FCHSD2: variants seen among roughly 807,000 people sequenced by gnomAD.
The protein encoded by FCHSD2 is FCH and double SH3 domains 2.
A neutral mutation model predicts 108.1 loss-of-function variants in FCHSD2; 38 were observed. The observed-to-expected ratio is 0.35, with a 90% CI of 0.27 to 0.46. FCHSD2 has a LOEUF of 0.46. FCHSD2 is among the 20% of genes least tolerant of loss of function. FCHSD2 has a pLI of 1.00. For synonymous variants in FCHSD2, 279 were observed against 314.7 expected (o/e 0.89, Z 1.20); for missense variants, 751 against 897.8 (o/e 0.84, Z 2.09).
intron 10 of FCHSD2, among the ~76,000 whole-genome samples, chr11:72,893,849 G>C (rs1855367973): frequency 1.3e-5 from 2 of 152,088 alleles, no homozygotes; most frequent in South Asian, 4.1e-4. Context: ...CTAAATTAAG[G>C]AAATCAGCAT....
intron 4 of FCHSD2, among the ~76,000 whole-genome samples, chr11:73,008,411 T>A (rs1184212229): frequency 6.6e-6 from 1 of 152,078 alleles, no homozygotes; most frequent in African/African-American, 2.4e-5. Context: ...ACAAGAAGAA[T>A]GGTGTTTTAA....
chr11:72,964,789 C>CT (rs35280672), intron 8 of FCHSD2, among the ~76,000 whole-genome samples: 30,242 of 132,138 alleles, frequency 0.23, 3,906 homozygotes, highest in Middle Eastern at 0.32. Context: ...GATCATTTCA[C>CT]TTTTTTTTTT....
intron 8 of FCHSD2, among the ~76,000 whole-genome samples, chr11:72,933,084 CCTT>C (rs1435328307): frequency 2.6e-5 from 4 of 152,034 alleles, no homozygotes; most frequent in African/African-American, 9.7e-5. Flanking sequence ...ACCTTGCATG[CCTT>C]CTTCTTCCTT....
intron 3 of FCHSD2, among the ~76,000 whole-genome samples, chr11:73,039,205 T>C (rs1165584837): frequency 6.6e-6 from 1 of 151,508 alleles, no homozygotes; most frequent in Non-Finnish European, 1.5e-5. Flanking sequence ...GGATTCCTCA[T>C]AAACCTACCT....
At chr11:72,871,006 T>G (rs1467435038) in intron 12 of FCHSD2, among the ~76,000 whole-genome samples, 1 of 152,154 alleles carries the variant, frequency 6.6e-6, no homozygotes, top group African/African-American at 2.4e-5. Context: ...ACTACATTTA[T>G]GATGTGGCTG....
At chr11:72,976,067 T>G (rs1262911551) in intron 8 of FCHSD2, among the ~76,000 whole-genome samples, 6 of 152,208 alleles carry the variant, frequency 3.9e-5, no homozygotes, top group Admixed American at 1.3e-4. Flanking sequence ...CTGAGTTGAT[T>G]TCTGTAGATT....
chr11:72,944,976 C>A (rs1402536239), intron 8 of FCHSD2, among the ~76,000 whole-genome samples: 1 of 152,094 alleles, frequency 6.6e-6, no homozygotes, highest in Non-Finnish European at 1.5e-5. Context: ...CCATACTGCC[C>A]AAGGTAAATT....
At chr11:73,055,577 TTTCA>T (rs1229065890) in intron 3 of FCHSD2, among the ~76,000 whole-genome samples, 1 of 152,170 alleles carries the variant, frequency 6.6e-6, no homozygotes, top group African/African-American at 2.4e-5. Flanking sequence ...ATAATATTTA[TTTCA>T]TTAAGATTTT....
intron 2 of FCHSD2, among the ~76,000 whole-genome samples, chr11:73,132,762 T>C (rs1861031646): frequency 6.8e-6 from 1 of 146,618 alleles, no homozygotes; most frequent in African/African-American, 2.5e-5. Flanking sequence ...AGGTGGAGAT[T>C]GCAGTGAGCC....
At chr11:72,901,240 C>T (rs992281534) in intron 10 of FCHSD2, among the ~76,000 whole-genome samples, 2 of 151,798 alleles carry the variant, frequency 1.3e-5, no homozygotes, top group African/African-American at 4.8e-5. Context: ...ATTGAAAATA[C>T]AAAGAAAATA....
chr11:72,994,371 A>G (rs370861205), intron 5 of FCHSD2, among the ~76,000 whole-genome samples: 3 of 152,034 alleles, frequency 2.0e-5, no homozygotes, highest in East Asian at 3.8e-4. Flanking sequence ...CCTTGAAACG[A>G]CTCTATGAAA....
chr11:73,047,396 T>C (rs1471581411), intron 3 of FCHSD2, among the ~76,000 whole-genome samples: 1 of 152,148 alleles, frequency 6.6e-6, no homozygotes, highest in East Asian at 1.9e-4. Context: ...TCCCCTATAA[T>C]ACTCAAAAGC....
intron 2 of FCHSD2, among the ~76,000 whole-genome samples, chr11:73,126,095 A>G (rs1284259698): frequency 6.6e-6 from 1 of 152,020 alleles, no homozygotes; most frequent in Non-Finnish European, 1.5e-5. Context: ...TAATCCCAGC[A>G]CTTTGGGAGG....
chr11:72,859,995 T>C (rs752411831), intron 13 of FCHSD2, among the ~76,000 whole-genome samples: 4 of 152,218 alleles, frequency 2.6e-5, no homozygotes, highest in Non-Finnish European at 2.9e-5. Flanking sequence ...TGGGGTACCA[T>C]GAGGGAAGGT....
intron 3 of FCHSD2, among the ~76,000 whole-genome samples, chr11:73,025,565 C>G (rs1162530664): frequency 2.0e-5 from 3 of 151,860 alleles, no homozygotes; most frequent in Admixed American, 2.0e-4. Context: ...CTGGGTGATG[C>G]AATAATCTGT....
intron 10 of FCHSD2, among the ~76,000 whole-genome samples, chr11:72,898,293 C>T (rs1329128334): frequency 2.0e-5 from 3 of 152,208 alleles, no homozygotes; most frequent in Admixed American, 2.0e-4. Context: ...CATTTTATCA[C>T]AGTGGTAACT....
At chr11:73,007,183 A>G (rs1857758872) in intron 4 of FCHSD2, among the ~76,000 whole-genome samples, 1 of 152,174 alleles carries the variant, frequency 6.6e-6, no homozygotes, top group Admixed American at 6.5e-5. Context: ...TACTTGCCAT[A>G]ATAATTAGGT....
chr11:72,949,530 A>G (rs1045385392), intron 8 of FCHSD2, among the ~76,000 whole-genome samples: 1 of 152,182 alleles, frequency 6.6e-6, no homozygotes, highest in Non-Finnish European at 1.5e-5. Context: ...GCCATTAAGT[A>G]GTCAGTGCCC....
chr11:73,140,175 CA>C (rs767940041), intron 1 of FCHSD2, 47 bp from the exon 2 acceptor site: 27 of 1,157,722 alleles, frequency 2.3e-5, no homozygotes, highest in Admixed American at 7.8e-5. Flanking sequence ...AAATTTAACC[CA>C]AAAAAATTGC....
Sources: gnomAD v4.1 joint callset for allele counts (sites outside exome capture counted in the v4.1 genomes callset) on GRCh38, gnomAD v4.1.1 for gene constraint, MANE v1.5 for transcripts, NCBI Gene and HGNC (gene_info 2026-07-23, HGNC 2026-07-21) for gene names.